TRIM14: variants seen among roughly 807,000 people sequenced by gnomAD.
TRIM14 encodes tripartite motif containing 14.
In TRIM14, 28 loss-of-function variants were observed where a neutral mutation model predicts 44.5. The observed-to-expected ratio is 0.63, with a 90% CI of 0.47 to 0.86. The LOEUF is 0.86. Among genes scored for constraint, TRIM14 ranks in the 40% least tolerant of loss-of-function variants. The pLI is 0.00. For missense variants in TRIM14, 607 were observed against 611.1 expected (o/e 0.99, Z 0.07); for synonymous variants, 299 against 269.2 (o/e 1.11, Z -1.08).
chr9:98,094,198 G>C (rs1396167759), intron 4 of TRIM14, among the ~76,000 whole-genome samples: 1 of 152,238 alleles, frequency 6.6e-6, no homozygotes, highest in Non-Finnish European at 1.5e-5. Flanking sequence ...CTTGATAAAT[G>C]TTCTGAATGA....
intron 5 of TRIM14, among the ~76,000 whole-genome samples, chr9:98,090,969 T>A (rs1587946626): frequency 6.6e-6 from 1 of 152,196 alleles, no homozygotes; most frequent in Admixed American, 6.5e-5. Flanking sequence ...TGATCACCAT[T>A]CTTTGGTTTC....
At chr9:98,074,625 A>T (rs1248223374) in intron 6 of TRIM14, 2 of 152,140 alleles carry the variant, frequency 1.3e-5, no homozygotes, top group African/African-American at 4.8e-5. Context: ...TTCCAGCAGG[A>T]ATTGGCCTTT....
intron 4 of TRIM14, chr9:98,092,543 C>G (rs375165117): frequency 7.1e-6 from 3 of 422,248 alleles, no homozygotes; most frequent in Non-Finnish European, 1.4e-5. Context: ...GCACTCATCA[C>G]AGGGGCCTGT....
chr9:98,099,952 G>C lies in TRIM14; in HGVS notation c.516C>G (p.Pro172=). The C allele has an allele frequency of 6.2e-7, 1 of 1,613,416 alleles. No individual in the cohort carries two copies. The change falls in exon 3 of 6, where the codon CCC becomes CCG. Residue 172 remains proline (P), a synonymous_variant. Transcript: ENST00000341469. ...SNRVWSISQE[P]DPVQRLQAYT... ...TTACCTGAAGCCTCTGGACAGGATC[G>C]GGCTCCTGGCTGATACTCCAGACCC...
chr9:98,065,585 C>T (rs1247026198), downstream of TRIM14, among the ~76,000 whole-genome samples: 1 of 149,056 alleles, frequency 6.7e-6, no homozygotes, highest in Non-Finnish European at 1.5e-5. Context: ...GTGATCCACC[C>T]TTCTTGGCCT....
intron 4 of TRIM14, among the ~76,000 whole-genome samples, chr9:98,094,196 A>G (rs970831153): frequency 6.6e-6 from 1 of 152,242 alleles, no homozygotes; most frequent in African/African-American, 2.4e-5. Context: ...GGCTTGATAA[A>G]TGTTCTGAAT....
rs1285967421 is a variant in TRIM14, at chr9:98,087,396, A to C, written c.*74T>G. 1 of 1,604,798 alleles carries C rather than the reference A, an allele frequency of 6.2e-7. No individual in the cohort carries two copies. The highest frequency in any genetic ancestry group is 8.5e-7 in the Non-Finnish European group (1 of 1,172,264). On this transcript the variant is annotated 3_prime_UTR_variant, in exon 6 of 6. Coordinates refer to ENST00000341469, the MANE Select transcript of TRIM14 (RefSeq NM_014788.4). ...GAAGCAGGCAGTAAGGGGACCAGCCACGCTGATCTAGGTAGATTAGGCGAG... is the reference window on the plus strand; with the variant it reads ...GAAGCAGGCAGTAAGGGGACCAGCCCCGCTGATCTAGGTAGATTAGGCGAG...
At chr9:98,050,962 C>G in the TRIM14 span, among the ~76,000 whole-genome samples, 2 of 152,094 alleles carry the variant, frequency 1.3e-5, no homozygotes, top group Non-Finnish European at 2.9e-5. Flanking sequence ...TTAGTAGAGA[C>G]AGGGTTTCAC....
the TRIM14 span, among the ~76,000 whole-genome samples, chr9:98,042,120 T>C: frequency 6.6e-6 from 1 of 150,860 alleles, no homozygotes; most frequent in East Asian, 2.0e-4. Context: ...GGTGAAACCC[T>C]GTCTCTACTA....
chr9:98,109,041 C>CTATTT (rs1229582569), intron 2 of TRIM14, among the ~76,000 whole-genome samples: 2 of 151,950 alleles, frequency 1.3e-5, no homozygotes, highest in African/African-American at 2.4e-5. Context: ...CCATACCTGG[C>CTATTT]TATTTTATTT....
chr9:98,067,871 G>A (rs781464948), downstream of TRIM14, among the ~76,000 whole-genome samples: 2 of 151,874 alleles, frequency 1.3e-5, no homozygotes, highest in African/African-American at 2.4e-5. Flanking sequence ...ATAGGCATGC[G>A]CCATCAGACT....
At chr9:98,041,277 G>A in the TRIM14 span, among the ~76,000 whole-genome samples, 1 of 151,992 alleles carries the variant, frequency 6.6e-6, no homozygotes, top group African/African-American at 2.4e-5. Context: ...AAAAACTTAA[G>A]AACAACTAAC....
At chr9:98,116,638 A>G (rs1827062415) in intron 1 of TRIM14, among the ~76,000 whole-genome samples, 2 of 151,816 alleles carry the variant, frequency 1.3e-5, no homozygotes, top group Non-Finnish European at 2.9e-5. Flanking sequence ...GGAATTCTAG[A>G]CCAGCCTGGA....
chr9:98,067,756 G>C (rs1829190796), downstream of TRIM14, among the ~76,000 whole-genome samples: 1 of 151,310 alleles, frequency 6.6e-6, no homozygotes, highest in Non-Finnish European at 1.5e-5. Context: ...GTCTTGCTCT[G>C]TCGCCCAGGC....
At chr9:98,057,116 C>T in the TRIM14 span, among the ~76,000 whole-genome samples, 1 of 152,388 alleles carries the variant, frequency 6.6e-6, no homozygotes, top group South Asian at 2.1e-4. Flanking sequence ...GTCCGCCACC[C>T]TCGTGACCTT....
chr9:98,069,409 G>T (rs1829245330), exon 7 of TRIM14: 1 of 152,190 alleles, frequency 6.6e-6, no homozygotes. Flanking sequence ...GAGTAGCAGG[G>T]ATTACAGGCA....
chr9:98,041,689 G>A, the TRIM14 span, among the ~76,000 whole-genome samples: 16 of 141,468 alleles, frequency 1.1e-4, no homozygotes, highest in African/African-American at 2.6e-4. Context: ...TTTTGTTTTC[G>A]TTTTTTTTTT....
At chr9:98,116,760 C>G (rs1042938152) in intron 1 of TRIM14, among the ~76,000 whole-genome samples, 12 of 150,954 alleles carry the variant, frequency 7.9e-5, no homozygotes, top group African/African-American at 2.9e-4. Flanking sequence ...AGGAGGATTG[C>G]TTGACCCTGG....
downstream of TRIM14, chr9:98,082,961 A>G: frequency 2.5e-6 from 4 of 1,614,206 alleles, no homozygotes; most frequent in Non-Finnish European, 3.4e-6. Context: ...GACATCTTTA[A>G]TCTAGTGGGC....
Sources: gnomAD v4.1 joint callset for allele counts (sites outside exome capture counted in the v4.1 genomes callset) on GRCh38, gnomAD v4.1.1 for gene constraint, MANE v1.5 for transcripts, NCBI Gene and HGNC (gene_info 2026-07-23, HGNC 2026-07-21) for gene names.